CMIP: variants seen among roughly 807,000 people sequenced by gnomAD.
CMIP encodes the protein C-Maf-inducing protein.
In CMIP, 13 loss-of-function variants were observed where a neutral mutation model predicts 97.3. That is an observed-to-expected ratio of 0.13 (90% CI 0.09 to 0.21). CMIP has a LOEUF of 0.21. Ranked by LOEUF, CMIP falls within the 10% of genes least tolerant of loss-of-function variation. CMIP has a pLI of 1.00. For synonymous variants in CMIP, 538 were observed against 436.3 expected, an observed-to-expected ratio of 1.23 and a Z score of -2.91; for missense variants, 847 against 1,024.9, an observed-to-expected ratio of 0.83 and a Z score of 2.37.
At chr16:81,645,606 C>T in intron 3 of CMIP, 1 of 1,535,936 alleles carries the variant, frequency 6.5e-7, no homozygotes, top group Non-Finnish European at 8.7e-7. Flanking sequence ...CAGGTAACGT[C>T]CCTTCCTTGA....
intron 11 of CMIP, among the ~76,000 whole-genome samples, chr16:81,692,111 GCAAA>G (rs1906151104): frequency 1.3e-5 from 2 of 152,158 alleles, no homozygotes; most frequent in Admixed American, 1.3e-4. Context: ...AGCTAAGAAT[GCAAA>G]CAGAGCCCTC....
chr16:81,582,184 GC>G (rs1443186311), intron 1 of CMIP, among the ~76,000 whole-genome samples: 6 of 152,102 alleles, frequency 3.9e-5, no homozygotes, highest in African/African-American at 1.4e-4. Context: ...CCTCCCACAG[GC>G]CCCTTCTCCA....
intron 1 of CMIP, among the ~76,000 whole-genome samples, chr16:81,523,808 C>G (rs1479271547): frequency 6.6e-6 from 1 of 152,258 alleles, no homozygotes; most frequent in African/African-American, 2.4e-5. Context: ...TAACCCTGAA[C>G]CTCGCTCAGA....
intron 1 of CMIP, among the ~76,000 whole-genome samples, chr16:81,527,568 T>C (rs1199614985): frequency 1.3e-5 from 2 of 152,228 alleles, no homozygotes; most frequent in Admixed American, 6.5e-5. Flanking sequence ...GTTTCTACCA[T>C]GGAAGCATCC....
At chr16:81,531,897 T>C (rs1203556687) in intron 1 of CMIP, among the ~76,000 whole-genome samples, 1 of 152,244 alleles carries the variant, frequency 6.6e-6, no homozygotes, top group Non-Finnish European at 1.5e-5. Flanking sequence ...TATTTGTATT[T>C]AGAAATGGCT....
chr16:81,598,014 A>T (rs34185996), intron 1 of CMIP, among the ~76,000 whole-genome samples: 7,555 of 151,816 alleles, frequency 0.05, 255 homozygotes, highest in Non-Finnish European at 0.075. Flanking sequence ...CAGGGAGGGG[A>T]CTGGAGGATC....
intron 1 of CMIP, among the ~76,000 whole-genome samples, chr16:81,587,410 T>C (rs1057219159): frequency 6.6e-6 from 1 of 152,170 alleles, no homozygotes; most frequent in Non-Finnish European, 1.5e-5. Flanking sequence ...GTCTGTGCCA[T>C]ATGTACTCGG....
At chr16:81,496,072 C>T (rs1252189731) in intron 1 of CMIP, among the ~76,000 whole-genome samples, 5 of 152,238 alleles carry the variant, frequency 3.3e-5, no homozygotes, top group African/African-American at 1.2e-4. Flanking sequence ...TTTGAAGATG[C>T]TGTGAATCCA....
intron 1 of CMIP, among the ~76,000 whole-genome samples, chr16:81,516,982 A>C (rs2925992): frequency 0.58 from 86,782 of 149,582 alleles, 26,195 homozygotes; most frequent in African/African-American, 0.78. Flanking sequence ...AAAAACCAGA[A>C]GGCCTCCAAG....
intron 1 of CMIP, among the ~76,000 whole-genome samples, chr16:81,535,466 CTTTTTT>C (rs34961950): frequency 7.4e-6 from 1 of 134,418 alleles, no homozygotes. Flanking sequence ...CACTGGAATG[CTTTTTT>C]TTTTTTTTTT....
chr16:81,650,039 T>C (rs1256853396), intron 3 of CMIP, among the ~76,000 whole-genome samples: 1 of 152,166 alleles, frequency 6.6e-6, no homozygotes, highest in Non-Finnish European at 1.5e-5. Context: ...GGAAGGAGGC[T>C]GGTTATGGTT....
intron 1 of CMIP, among the ~76,000 whole-genome samples, chr16:81,533,254 C>T (rs2090275758): frequency 6.6e-6 from 1 of 152,130 alleles, no homozygotes; most frequent in Non-Finnish European, 1.5e-5. Flanking sequence ...TGACTGTATC[C>T]CCAGCATTTA....
At chr16:81,608,852 G>T (rs1363921430) in intron 2 of CMIP, among the ~76,000 whole-genome samples, 1 of 152,144 alleles carries the variant, frequency 6.6e-6, no homozygotes, top group Non-Finnish European at 1.5e-5. Flanking sequence ...TTTCTTTTGG[G>T]ATCATTTTAT....
chr16:81,699,952 GC>G (rs1168157921), intron 15 of CMIP, among the ~76,000 whole-genome samples, 151 bp downstream of exon 15: 3 of 152,294 alleles, frequency 2.0e-5, no homozygotes, highest in Non-Finnish European at 4.4e-5. Context: ...CTTAGTGGGA[GC>G]CTCGAGCCTT....
rs904006504 is a variant in CMIP, at chr16:81,652,574, G to A, written c.639+210G>A. Among the ~76,000 whole-genome samples the A allele has an allele frequency of 2.0e-5, 3 of 152,268 alleles. No homozygotes were observed. Among genetic ancestry groups the A allele is most frequent in the East Asian group, 1.9e-4 (1 of 5,168 alleles). ...GCTGCTTGCAGCTGTGCTGTCTGGGGATTGTAGGCACCGAAGAGGAGGTGT... is the reference window on the plus strand; with the variant it reads ...GCTGCTTGCAGCTGTGCTGTCTGGGAATTGTAGGCACCGAAGAGGAGGTGT... On this transcript the variant is annotated intron_variant, in intron 4 of 20. Transcript: ENST00000537098. This position sits in a 1 kb window ranked among gnomAD's most constrained non-coding sequence, Gnocchi z 5.2.
intron 1 of CMIP, among the ~76,000 whole-genome samples, chr16:81,532,091 A>T (rs2090248095): frequency 6.6e-6 from 1 of 152,180 alleles, no homozygotes; most frequent in Non-Finnish European, 1.5e-5. Flanking sequence ...CACTCTACAG[A>T]TAAGGAAATC....
chr16:81,667,760 GAGAGAA>G (rs1437546674), intron 7 of CMIP, among the ~76,000 whole-genome samples: 4 of 113,844 alleles, frequency 3.5e-5, no homozygotes, highest in African/African-American at 6.7e-5. Context: ...GGGAGGGAGG[GAGAGAA>G]AGAGAGAGAG....
At chr16:81,532,073 G>A (rs2090247752) in intron 1 of CMIP, among the ~76,000 whole-genome samples, 1 of 152,168 alleles carries the variant, frequency 6.6e-6, no homozygotes, top group African/African-American at 2.4e-5. Flanking sequence ...TAGCAATCTG[G>A]TGAGCTCCAC....
chr16:81,670,089 G>A (rs1265792073), intron 7 of CMIP, 53 bp from the exon 8 acceptor site: 6 of 1,541,172 alleles, frequency 3.9e-6, no homozygotes, highest in Non-Finnish European at 5.3e-6. Flanking sequence ...GCTGCCCTGG[G>A]CTCCTGCCCT....
Sources: allele counts gnomAD v4.1 joint callset (sites outside exome capture counted in the v4.1 genomes callset), GRCh38; gene constraint gnomAD v4.1.1; non-coding constraint Gnocchi (gnomAD v3.1); transcripts MANE v1.5; gene names NCBI Gene and HGNC (gene_info 2026-07-23, HGNC 2026-07-21).